SAMD5: variants seen among roughly 807,000 people sequenced by gnomAD.
SAMD5 encodes the protein sterile alpha motif domain containing 5.
SAMD5 carries 13 observed loss-of-function variants against 11.3 expected under a neutral mutation model. The ratio of observed to expected loss-of-function variants is 1.15; its 90% CI spans 0.75 to 1.83. The LOEUF is 1.83. Among genes scored for constraint, SAMD5 ranks in the 40% most tolerant of loss-of-function variants. The pLI is 0.00. For synonymous variants in SAMD5, 129 were observed against 111.3 expected, an observed-to-expected ratio of 1.16 and a Z score of -1.00; for missense variants, 255 against 239.1, an observed-to-expected ratio of 1.07 and a Z score of -0.44.
the SAMD5 span, among the ~76,000 whole-genome samples, chr6:147,770,543 C>A: frequency 0.033 from 5,055 of 152,230 alleles, 132 homozygotes; most frequent in Non-Finnish European, 0.05. Flanking sequence ...GATCCTAAAT[C>A]TGATATGAAA....
At chr6:147,622,018 A>G (rs1789978439) in intron 1 of SAMD5, among the ~76,000 whole-genome samples, 1 of 151,000 alleles carries the variant, frequency 6.6e-6, no homozygotes, top group Non-Finnish European at 1.5e-5. Context: ...CAGTAGATGA[A>G]GAGAGAAGAT....
chr6:147,552,795 A>G (rs1788795545), intron 1 of SAMD5, among the ~76,000 whole-genome samples: 1 of 152,184 alleles, frequency 6.6e-6, no homozygotes, highest in Non-Finnish European at 1.5e-5. Context: ...ACAAGCTGAG[A>G]ACTACTATGG....
intron 1 of SAMD5, among the ~76,000 whole-genome samples, chr6:147,541,597 T>G (rs1788605662): frequency 6.6e-6 from 1 of 152,120 alleles, no homozygotes. Context: ...TAGGACTCAT[T>G]GAATGTGACC....
At chr6:147,638,146 G>C (rs1790258622) in intron 1 of SAMD5, among the ~76,000 whole-genome samples, 1 of 151,844 alleles carries the variant, frequency 6.6e-6, no homozygotes, top group South Asian at 2.1e-4. Context: ...AAAAATTTGG[G>C]AAAAATATAG....
Position 147,509,126 on chromosome 6 carries a change from C to A in SAMD5, c.198C>A (p.Asp66Glu). 2 of 1,563,046 alleles carry A rather than the reference C, an allele frequency of 1.3e-6. No individual in the cohort carries two copies. Among genetic ancestry groups the A allele is most frequent in the Non-Finnish European group, 8.6e-7 (1 of 1,157,070 alleles). ...CCGTGCGCCGGCTGCGGGAGCAGGA[C>A]GCCAACGCCGCCGGCCTCTACTTCA... ...LEAVRRLREQ[D>E]ANAAGLYFTL... is the part of the protein sequence containing the mutation. The change falls in exon 1 of 2, where the codon GAC (aspartate) becomes GAA (glutamate). Residue 66 changes from aspartate (D) to glutamate (E), a missense_variant. By Grantham distance (45) the Asp-to-Glu change is conservative (BLOSUM62 2). Coordinates refer to ENST00000367474, the MANE Select transcript of SAMD5 (RefSeq NM_001030060.3).
chr6:147,760,950 T>C, the SAMD5 span, among the ~76,000 whole-genome samples: 77 of 152,316 alleles, frequency 5.1e-4, 1 homozygote, highest in African/African-American at 1.8e-3. Flanking sequence ...CGAATTCAAA[T>C]AAAGCACAAC....
At chr6:147,674,051 G>T (rs1207253416) in intron 1 of SAMD5, among the ~76,000 whole-genome samples, 5 of 152,196 alleles carry the variant, frequency 3.3e-5, no homozygotes, top group Non-Finnish European at 7.3e-5. Flanking sequence ...ACACAATGTT[G>T]TGCTGTAAAT....
intron 1 of SAMD5, among the ~76,000 whole-genome samples, chr6:147,626,579 T>A (rs1790053735): frequency 6.6e-6 from 1 of 151,528 alleles, no homozygotes; most frequent in African/African-American, 2.4e-5. Context: ...AGTTTTCAGA[T>A]TTCTAAAATG....
At chr6:147,805,018 A>G in the SAMD5 span, among the ~76,000 whole-genome samples, 3 of 152,226 alleles carry the variant, frequency 2.0e-5, no homozygotes, top group Non-Finnish European at 2.9e-5. Context: ...TAAATAAAAT[A>G]CCTGCAATCT....
chr6:147,941,626 C>T, the SAMD5 span, among the ~76,000 whole-genome samples: 1 of 152,116 alleles, frequency 6.6e-6, no homozygotes, highest in East Asian at 1.9e-4. Context: ...AATACCACAA[C>T]ATAACAGTAT....
chr6:147,821,278 G>A, the SAMD5 span, among the ~76,000 whole-genome samples: 1 of 152,128 alleles, frequency 6.6e-6, no homozygotes, highest in African/African-American at 2.4e-5. Flanking sequence ...GTGATATAAA[G>A]GTGCTTTTTG....
intron 1 of SAMD5, among the ~76,000 whole-genome samples, chr6:147,710,480 C>A (rs533363117): frequency 6.6e-6 from 1 of 152,142 alleles, no homozygotes; most frequent in Non-Finnish European, 1.5e-5. Flanking sequence ...GTGAATCGTG[C>A]CTTTGTCCAG....
chr6:147,911,101 G>T, the SAMD5 span, among the ~76,000 whole-genome samples: 7 of 152,206 alleles, frequency 4.6e-5, no homozygotes, highest in Admixed American at 3.9e-4. Context: ...TTAAAAGCCT[G>T]CATGTAACTG....
chr6:147,831,242 A>G, the SAMD5 span, among the ~76,000 whole-genome samples: 1 of 152,232 alleles, frequency 6.6e-6, no homozygotes, highest in Non-Finnish European at 1.5e-5. Context: ...AAAGCTCCAA[A>G]TCGAATAAAA....
intron 1 of SAMD5, among the ~76,000 whole-genome samples, chr6:147,681,811 T>C (rs1391718208): frequency 2.0e-5 from 3 of 152,192 alleles, no homozygotes; most frequent in African/African-American, 7.2e-5. Flanking sequence ...TAGGCAGAAC[T>C]CTTCTGAGCA....
At chr6:147,721,597 T>C (rs1424665514) in intron 1 of SAMD5, among the ~76,000 whole-genome samples, 1 of 152,220 alleles carries the variant, frequency 6.6e-6, no homozygotes, top group Admixed American at 6.5e-5. Context: ...TTCTGGATAT[T>C]AGCCCTTTGT....
chr6:147,559,697 A>G (rs931868063), intron 1 of SAMD5, among the ~76,000 whole-genome samples: 1 of 152,098 alleles, frequency 6.6e-6, no homozygotes, highest in Admixed American at 6.6e-5. Flanking sequence ...CCTCTAAAGT[A>G]AAAAAAAGAA....
intron 1 of SAMD5, among the ~76,000 whole-genome samples, chr6:147,559,696 T>TA (rs920485428): frequency 1.3e-5 from 2 of 151,758 alleles, no homozygotes; most frequent in African/African-American, 4.8e-5. Flanking sequence ...GCCTCTAAAG[T>TA]AAAAAAAAGA....
In SAMD5 at chr6:147,565,227, G is replaced by T; in HGVS notation, c.*771G>T. The T allele has an allele frequency of 5.1e-6, 5 of 985,864 alleles. No individual in the cohort carries two copies. The highest frequency in any genetic ancestry group is 6.0e-6 in the Non-Finnish European group (5 of 829,978). The allele number at this position is 985,864 out of a possible 1,614,324, so 61.1% of individuals were successfully genotyped here. ...TAGTTTCTTGCACTCTGTGGAGACT[G>T]CCAGGGCCGCAGCTCACAGCCTGTT... On this transcript the variant is annotated 3_prime_UTR_variant, in exon 2 of 2. Transcript: ENST00000367474.
Sources: allele counts gnomAD v4.1 joint callset (sites outside exome capture counted in the v4.1 genomes callset), GRCh38; gene constraint gnomAD v4.1.1; transcripts MANE v1.5; gene names NCBI Gene and HGNC (gene_info 2026-07-23, HGNC 2026-07-21).